TYW5: variants seen among roughly 807,000 people sequenced by gnomAD.
TYW5 encodes the protein tRNA wybutosine-synthesizing protein 5.
In TYW5, 36 loss-of-function variants were observed where a neutral mutation model predicts 44.4. The observed-to-expected ratio is 0.81, with a 90% CI of 0.62 to 1.07. The LOEUF is 1.07. Ranked by LOEUF, TYW5 falls within the 50% of genes least tolerant of loss-of-function variation. The pLI is 0.00. For missense variants in TYW5, 354 were observed against 365.7 expected (o/e 0.97, Z 0.26); for synonymous variants, 121 against 128.1 (o/e 0.94, Z 0.37).
chr2:199,953,872 A>G (rs2077568957), intron 1 of TYW5, among the ~76,000 whole-genome samples: 1 of 152,238 alleles, frequency 6.6e-6, no homozygotes, highest in Admixed American at 6.5e-5. Context: ...AGATTAAATT[A>G]CAAAATACCT....
rs924874175 is a variant in TYW5 at position 199,929,736 on chromosome 2, GAGTT to G, written c.*3327_*3330del. Among the ~76,000 whole-genome samples the G allele has an allele frequency of 1.3e-5, 2 of 151,964 alleles. No individual in the cohort carries two copies. Among genetic ancestry groups the G allele is most frequent in the African/African-American group, 4.8e-5 (2 of 41,380 alleles). On this transcript the variant is annotated 3_prime_UTR_variant, in exon 8 of 8. Transcript: ENST00000354611. ...CTTTGTTTTGGTATTTTATCAAAGT[GAGTT>G]AGAAATTAATTACAGGACAAATAGA...
intron 2 of TYW5, chr2:199,945,623 C>G (rs927353785): frequency 2.6e-5 from 4 of 152,230 alleles, no homozygotes; most frequent in Non-Finnish European, 5.9e-5. Context: ...TTTGAAGAGT[C>G]TGGGCCAGTG....
At chr2:199,938,780 T>C (rs963517746) in intron 5 of TYW5, among the ~76,000 whole-genome samples, 153 bp downstream of exon 5, 31 of 152,238 alleles carry the variant, frequency 2.0e-4, no homozygotes, top group African/African-American at 7.5e-4. Flanking sequence ...CATTCCTGTA[T>C]CACTGCTATG....
At chr2:199,955,164 C>T (rs184653197) in intron 1 of TYW5, among the ~76,000 whole-genome samples, 5 of 152,346 alleles carry the variant, frequency 3.3e-5, no homozygotes, top group Admixed American at 2.0e-4. Context: ...TCTCCGCCAT[C>T]ATCTTGCTCC....
At chr2:199,938,696 A>C (rs189005493) in intron 5 of TYW5, among the ~76,000 whole-genome samples, 1 of 152,358 alleles carries the variant, frequency 6.6e-6, no homozygotes, top group African/African-American at 2.4e-5. Flanking sequence ...ATATATGATG[A>C]TGAATCAAGA....
chr2:199,935,745 CA>C lies in TYW5; in HGVS notation c.691+185del, dbSNP rs1294965130. Among the ~76,000 whole-genome samples the C allele has an allele frequency of 2.7e-5, 4 of 146,970 alleles. No homozygotes were observed. The East Asian group carries it at 8.3e-4, about 31-fold the overall frequency. ...ACACACACACACACACACACACACACACACACACACACACACACACATACAC... is the reference window on the plus strand; with the variant it reads ...ACACACACACACACACACACACACACCACACACACACACACACACATACAC... On this transcript the variant is annotated intron_variant, in intron 7 of 7. Transcript: ENST00000354611.
chr2:199,941,237 C>T (rs1050093886), intron 3 of TYW5, among the ~76,000 whole-genome samples: 2 of 152,078 alleles, frequency 1.3e-5, no homozygotes, highest in Admixed American at 6.5e-5. Flanking sequence ...GAAGGAGACT[C>T]GCTATGTTGT....
chr2:199,941,806 A>C (rs2077466886), intron 3 of TYW5, among the ~76,000 whole-genome samples: 1 of 152,328 alleles, frequency 6.6e-6, no homozygotes, highest in East Asian at 1.9e-4. Context: ...TAACTTCTTC[A>C]GGTCCACCTC....
At chr2:199,941,470 A>T (rs957104019) in intron 3 of TYW5, among the ~76,000 whole-genome samples, 2 of 152,058 alleles carry the variant, frequency 1.3e-5, no homozygotes, top group Non-Finnish European at 2.9e-5. Context: ...TGCCTCTTTC[A>T]CCCAACACTG....
chr2:199,939,981 T>C (rs1479442405), intron 4 of TYW5, 108 bp downstream of exon 4: 13 of 1,042,748 alleles, frequency 1.2e-5, no homozygotes, highest in East Asian at 2.4e-5. Context: ...TGGAAAAGGA[T>C]AGAACAGGGA....
In TYW5 at chr2:199,948,402, C is replaced by T; in HGVS notation, c.149G>A (p.Ser50Asn). Reference sequence around the variant, plus strand: ...TACTTCTTTCTTCCCTCCAACTTGGCTTAGGTAATCCACTGTCCATTTGCT... The same window carrying T: ...TACTTCTTTCTTCCCTCCAACTTGGTTTAGGTAATCCACTGTCCATTTGCT... ...CTSKWTVDYL[S>N]QVGGKKEVKI... is the part of the protein sequence containing the mutation. The change falls in exon 2 of 8, where the codon AGC (serine) becomes AAC (asparagine). Residue 50 changes from serine to asparagine, a missense_variant. Transcript: ENST00000354611. The T allele has an allele frequency of 6.2e-7, 1 of 1,614,156 alleles. No individual in the cohort carries two copies.
At position 199,932,089 on chromosome 2, in the gene TYW5, C is replaced by T. The variant is rs187836639; in HGVS notation, c.*978G>A. 5 of 152,178 alleles carry T rather than the reference C, an allele frequency of 3.3e-5. No individual in the cohort carries two copies. The highest frequency in any genetic ancestry group is 3.3e-4 in the Admixed American group (5 of 15,282). 9.4% of individuals were successfully genotyped at this position (152,178 alleles called of 1,614,324 possible). ...TGACATACTGGGTGGCAAGAAAAGT[C>T]AAGATCAGATTAAACATTTGTTTTG... is the stretch of plus-strand genomic sequence containing the variant. On this transcript the variant is annotated 3_prime_UTR_variant, in exon 8 of 8. Transcript: ENST00000354611.
chr2:199,949,528 T>C (rs1359795860), intron 1 of TYW5, among the ~76,000 whole-genome samples: 1 of 152,230 alleles, frequency 6.6e-6, no homozygotes, highest in East Asian at 1.9e-4. Context: ...GCTATGTCTC[T>C]TTTAATCTGA....
At chr2:199,943,293 C>T (rs1312462041) in intron 3 of TYW5, 1 of 152,344 alleles carries the variant, frequency 6.6e-6, no homozygotes, top group African/African-American at 2.4e-5. Flanking sequence ...AATATTACAG[C>T]AAATATACAC....
intron 1 of TYW5, among the ~76,000 whole-genome samples, chr2:199,951,942 G>A (rs1006437115): frequency 5.9e-5 from 9 of 151,878 alleles, no homozygotes; most frequent in Non-Finnish European, 7.4e-5. Context: ...GCATGAACCC[G>A]GGAGACGGAG....
At chr2:199,935,701 T>A (rs2077412758) in intron 7 of TYW5, among the ~76,000 whole-genome samples, 1 of 146,898 alleles carries the variant, frequency 6.8e-6, no homozygotes, top group Non-Finnish European at 1.5e-5. Context: ...TATAATAAGT[T>A]TGCCTAGGCC....
At chr2:199,938,288 T>A (rs1189591325) in intron 5 of TYW5, among the ~76,000 whole-genome samples, 1 of 151,974 alleles carries the variant, frequency 6.6e-6, no homozygotes, top group Non-Finnish European at 1.5e-5. Context: ...ATGGTCTCGA[T>A]CTCCTGACCT....
In TYW5 at chr2:199,935,545, G is replaced by A. The variant is rs534753238; in HGVS notation, c.691+386C>T. ...TTTATTTTTGTCGAGACGGGGTCTC[G>A]CTATGTTGCCCATGCTGGTCTTGCA... On this transcript the variant is annotated intron_variant, in intron 7 of 7. Coordinates refer to ENST00000354611, the MANE Select transcript of TYW5 (RefSeq NM_001039693.3). 6.0e-5 allele frequency among the ~76,000 whole-genome samples: 9 copies of A among 150,114 alleles called. 1 individual carries two copies. The South Asian group carries it at 6.3e-4, about 11-fold the overall frequency.
At chr2:199,950,851 C>T (rs866709651) in intron 1 of TYW5, among the ~76,000 whole-genome samples, 5 of 152,154 alleles carry the variant, frequency 3.3e-5, no homozygotes, top group South Asian at 2.1e-4. Flanking sequence ...ATATGATAAT[C>T]ATACAAGTGC....
Sources: allele counts gnomAD v4.1 joint callset (sites outside exome capture counted in the v4.1 genomes callset), GRCh38; gene constraint gnomAD v4.1.1; transcripts MANE v1.5; gene names NCBI Gene and HGNC (gene_info 2026-07-23, HGNC 2026-07-21).